DDX27: variants seen among roughly 807,000 people sequenced by gnomAD.
The protein encoded by DDX27 is probable ATP-dependent RNA helicase DDX27.
A neutral mutation model predicts 99.3 loss-of-function variants in DDX27; 42 were observed. That is an observed-to-expected ratio of 0.42 (90% CI 0.33 to 0.55). DDX27 has a LOEUF of 0.55. Among genes scored for constraint, DDX27 ranks in the 20% least tolerant of loss-of-function variants. The pLI is 0.07. For missense variants in DDX27, 798 were observed against 976.8 expected, an observed-to-expected ratio of 0.82 and a Z score of 2.44; for synonymous variants, 329 against 353.8, an observed-to-expected ratio of 0.93 and a Z score of 0.79.
At position 49,221,505 on chromosome 20, in the gene DDX27, T is replaced by G. The variant is rs1189699850; in HGVS notation, c.147T>G (p.Ala49=). Residue 49 remains alanine (A), a synonymous_variant, in exon 2 of 21, where the codon GCT becomes GCG. Transcript: ENST00000618172. ...AAGCTTTGGGGAAGAACCGCAGTGC[T>G]GATTTCAACCCTGATTTCGTTTTCA... ...RQKALGKNRS[A]DFNPDFVFTE... is the part of the protein sequence containing the mutation. 1 of 1,613,734 alleles carries G rather than the reference T, an allele frequency of 6.2e-7. No homozygotes were observed. Among genetic ancestry groups the G allele is most frequent in the Non-Finnish European group, 8.5e-7 (1 of 1,180,016 alleles).
intron 19 of DDX27, 112 bp from the exon 20 acceptor site, chr20:49,243,517 G>T (rs779181087): frequency 1.5e-5 from 14 of 906,028 alleles, no homozygotes; most frequent in Non-Finnish European, 2.3e-5. Flanking sequence ...GCCTGAAAAT[G>T]ATGCATCCCA....
intron 9 of DDX27, among the ~76,000 whole-genome samples, chr20:49,232,417 G>A (rs868219339): frequency 6.6e-6 from 1 of 151,576 alleles, no homozygotes; most frequent in Non-Finnish European, 1.5e-5. Flanking sequence ...ATCACCTGAG[G>A]TAGGGAGTTC....
At chr20:49,228,087 C>G (rs1345194419) in intron 7 of DDX27, among the ~76,000 whole-genome samples, 1 of 150,728 alleles carries the variant, frequency 6.6e-6, no homozygotes, top group East Asian at 2.0e-4. Context: ...GATCCACCTG[C>G]CTCAGCCTCC....
chr20:49,224,920 T>A, intron 4 of DDX27, 25 bp from the exon 5 acceptor site: 8 of 1,613,902 alleles, frequency 5.0e-6, no homozygotes, highest in Non-Finnish European at 6.8e-6. Context: ...TGAGCCGTGG[T>A]CATCAGCTAA....
chr20:49,221,051 T>G (rs1979653150), intron 1 of DDX27, among the ~76,000 whole-genome samples: 2 of 152,096 alleles, frequency 1.3e-5, no homozygotes, highest in African/African-American at 4.8e-5. Context: ...AGCCTCCCCC[T>G]CCCGGGTTCA....
At chr20:49,223,576 T>C (rs909609234) in intron 4 of DDX27, 143 bp downstream of exon 4, 35 of 697,510 alleles carry the variant, frequency 5.0e-5, no homozygotes, top group Middle Eastern at 9.4e-4. Context: ...TTCTTTCTTT[T>C]TTTTTTTTTT....
intron 1 of DDX27, among the ~76,000 whole-genome samples, chr20:49,220,434 C>T (rs1409150763): frequency 2.0e-5 from 3 of 152,178 alleles, no homozygotes; most frequent in South Asian, 2.1e-4. Flanking sequence ...TGAGCACTTC[C>T]AGTGTATTCT....
rs238166 is a variant in DDX27 at position 49,228,725 on chromosome 20, C to T, written c.717C>T (p.Ala239=). 4.9e-3 allele frequency: 7,869 copies of T among 1,599,014 alleles called. 360 individuals carry two copies. In the African/African-American group the frequency reaches 0.093, roughly 19 times the overall value. The part of the protein sequence containing the change: ...ACAATGTGKT[A]AFALPVLERL... ...TGTCCCTCCCTCCAGGTAAAACTGC[C>T]GCCTTTGCCCTGCCTGTTTTGGAGC... The change falls in exon 8 of 21, where the codon GCC becomes GCT. Residue 239 remains alanine, a synonymous_variant. Coordinates refer to ENST00000618172, the MANE Select transcript of DDX27 (RefSeq NM_017895.8).
chr20:49,226,909 C>A (rs561759255), intron 7 of DDX27, among the ~76,000 whole-genome samples: 2 of 132,224 alleles, frequency 1.5e-5, no homozygotes, highest in Non-Finnish European at 3.1e-5. Context: ...GTCGCCCAGG[C>A]TGGAGTGCAG....
intron 18 of DDX27, 101 bp from the exon 19 acceptor site, chr20:49,242,493 C>G: frequency 8.2e-7 from 1 of 1,215,700 alleles, no homozygotes; most frequent in East Asian, 2.3e-5. Context: ...TCTTTGGATG[C>G]CAGAGTATCC....
At chr20:49,233,440 G>A in intron 10 of DDX27, 35 bp downstream of exon 10, 1 of 1,609,824 alleles carries the variant, frequency 6.2e-7, no homozygotes, top group Non-Finnish European at 8.5e-7. Context: ...CGGGTGGCAG[G>A]TGTGCCCAGA....
intron 10 of DDX27, 32 bp downstream of exon 10, chr20:49,233,437 C>T: frequency 6.2e-7 from 1 of 1,608,716 alleles, no homozygotes; most frequent in East Asian, 2.2e-5. Context: ...TGGCGGGTGG[C>T]AGGTGTGCCC....
rs73270104 is a variant in DDX27, at chr20:49,219,553, G to A, written c.93+12G>A. On this transcript the variant is annotated intron_variant, in intron 1 of 20. Transcript: ENST00000618172. ...ACGAGGAAGAGGAGGTATGAGCACGGTTCTGGTCTTTGGGTTTCCTTGACT... is the reference window on the plus strand; with the variant it reads ...ACGAGGAAGAGGAGGTATGAGCACGATTCTGGTCTTTGGGTTTCCTTGACT... 0.011 allele frequency: 17,044 copies of A among 1,599,746 alleles called. 1,299 individuals are homozygous for A. In the African/African-American group the frequency reaches 0.18, roughly 17 times the overall value.
At position 49,225,149 on chromosome 20, in the gene DDX27, G is replaced by A. The variant is rs753687834; in HGVS notation, c.550G>A (p.Asp184Asn). 9 of 1,613,940 alleles carry A rather than the reference G, an allele frequency of 5.6e-6. No homozygotes were observed. Among genetic ancestry groups the A allele is most frequent in the Non-Finnish European group, 5.9e-6 (7 of 1,179,978 alleles). ...GGFFEDASQY[D>N]ENLSFQDMNL... ...ATTTTTTGAAGATGCATCTCAGTAC[G>A]ATGAAAACCTCTCGTTCCAGGACAT... Residue 184 changes from aspartate to asparagine, a missense_variant, in exon 6 of 21, where the codon GAT becomes AAT. Around this residue, in one of 2 missense-constraint regions of DDX27, gnomAD observed 245 missense variants for 248.8 expected, o/e 0.98. Transcript: ENST00000618172.
chr20:49,243,386 T>C, intron 19 of DDX27, among the ~76,000 whole-genome samples: 1 of 152,190 alleles, frequency 6.6e-6, no homozygotes, highest in Non-Finnish European at 1.5e-5. Flanking sequence ...AGGGGCAGAC[T>C]AAGCTTCCCA....
At chr20:49,226,353 C>A in intron 6 of DDX27, 77 bp from the exon 7 acceptor site, 3 of 1,130,222 alleles carry the variant, frequency 2.7e-6, no homozygotes, top group Non-Finnish European at 3.8e-6. Context: ...CCCCACTTGT[C>A]TGGAAACCTG....
At chr20:49,233,856 C>T (rs1980213434) in intron 11 of DDX27, 147 bp downstream of exon 11, 2 of 841,532 alleles carry the variant, frequency 2.4e-6, no homozygotes, top group Non-Finnish European at 3.6e-6. Flanking sequence ...TGATGATCCG[C>T]TGCCTCTCTT....
At chr20:49,225,755 G>T (rs778417461) in intron 6 of DDX27, among the ~76,000 whole-genome samples, 1 of 152,002 alleles carries the variant, frequency 6.6e-6, no homozygotes, top group Non-Finnish European at 1.5e-5. Flanking sequence ...GCGCCCGGCC[G>T]AGAACTCTCT....
chr20:49,236,288 C>G lies in DDX27; in HGVS notation c.1510-45C>G, dbSNP rs374585361. ...GTGGAAGTCTTTTTGCCTCTTCGCA[C>G]CCCCCTTCCCTTGCCAGGCCTGACG... is the stretch of plus-strand genomic sequence containing the variant. On this transcript the variant is annotated intron_variant, in intron 13 of 20. Transcript: ENST00000618172. This position sits in a 1 kb window ranked among gnomAD's most constrained non-coding sequence, Gnocchi z 4.1. 1.0e-5 allele frequency: 16 copies of G among 1,565,742 alleles called. No individual in the cohort carries two copies. Among genetic ancestry groups the G allele is most frequent in the Non-Finnish European group, 1.4e-5 (16 of 1,152,648 alleles).
Sources: gnomAD v4.1 joint callset for allele counts (sites outside exome capture counted in the v4.1 genomes callset) on GRCh38, gnomAD v4.1.1 for gene constraint, gnomAD v4.1.1 regional missense constraint, Gnocchi (gnomAD v3.1) non-coding constraint, MANE v1.5 for transcripts, NCBI Gene and HGNC (gene_info 2026-07-23, HGNC 2026-07-21) for gene names.